The following VTI1A variants were observed in gnomAD, a reference collection of about 807,000 sequenced individuals.
VTI1A encodes the protein vesicle transport through interaction with t-SNAREs 1A, also known as vesicle transport through interaction with t-SNAREs homolog 1A.
A neutral mutation model predicts 34.9 loss-of-function variants in VTI1A; 22 were observed. The ratio of observed to expected loss-of-function variants is 0.63; its 90% confidence interval spans 0.45 to 0.90. The LOEUF (loss-of-function observed/expected upper bound fraction) is 0.90, where lower values mean the gene tolerates loss of function less well. Ranked by LOEUF, VTI1A falls within the 40% of genes least tolerant of loss-of-function variation. The pLI is 0.00. For missense variants in VTI1A, 268 were observed against 275.6 expected (o/e 0.97, Z 0.20); for synonymous variants, 87 against 97.3 (o/e 0.89, Z 0.62).
chr10:112,498,743 CA>C (rs1444481902), intron 3 of VTI1A, among the ~76,000 whole-genome samples: 1 of 151,970 alleles, frequency 6.6e-6, no homozygotes, highest in Non-Finnish European at 1.5e-5. Flanking sequence ...TTTTGACCAC[CA>C]TTTTTTTTTT....
At chr10:112,602,461 C>CA (rs1844915182) in intron 5 of VTI1A, among the ~76,000 whole-genome samples, 1 of 152,190 alleles carries the variant, frequency 6.6e-6, no homozygotes, top group Non-Finnish European at 1.5e-5. Flanking sequence ...AGAGACTTAT[C>CA]AAAGCTTTCT....
At chr10:112,555,845 T>G (rs542821991) in intron 5 of VTI1A, among the ~76,000 whole-genome samples, 1 of 152,060 alleles carries the variant, frequency 6.6e-6, no homozygotes, top group Non-Finnish European at 1.5e-5. Flanking sequence ...GAGATAATCA[T>G]TGGACATGGT....
chr10:112,736,077 A>T, intron 7 of VTI1A, among the ~76,000 whole-genome samples: 1 of 144,664 alleles, frequency 6.9e-6, no homozygotes, highest in Non-Finnish European at 1.5e-5. Context: ...TTATATTTTT[A>T]TATATAGTAT....
intron 5 of VTI1A, among the ~76,000 whole-genome samples, chr10:112,637,983 G>A (rs1023331358): frequency 1.3e-5 from 2 of 152,206 alleles, no homozygotes; most frequent in Non-Finnish European, 1.5e-5. Flanking sequence ...GTTTGTTGGG[G>A]AAACCCCTTA....
chr10:112,464,580 C>T lies in VTI1A; in HGVS notation c.187C>T (p.Pro63Ser), dbSNP rs1000172148. The part of the protein sequence containing the change: ...EQMDLEVREI[P>S]PQSRGMYSNR... ...GATGGATTTGGAAGTCCGAGAGATACCACCCCAAAGTCGAGGGATGTACAG... is the reference window on the plus strand; with the variant it reads ...GATGGATTTGGAAGTCCGAGAGATATCACCCCAAAGTCGAGGGATGTACAG... The change falls in exon 3 of 8, where the codon CCA becomes TCA. Residue 63 changes from proline (P) to serine (S), a missense_variant. By Grantham distance (74) the Pro-to-Ser change is moderately conservative. Coordinates refer to ENST00000393077, the MANE Select transcript of VTI1A (RefSeq NM_145206.4). 1 of 1,612,952 alleles carries T rather than the reference C, an allele frequency of 6.2e-7. No individual in the cohort carries two copies. Among genetic ancestry groups the T allele is most frequent in the South Asian group, 1.1e-5 (1 of 90,992 alleles).
intron 7 of VTI1A, among the ~76,000 whole-genome samples, chr10:112,685,190 C>T (rs1348804552): frequency 6.6e-6 from 1 of 152,208 alleles, no homozygotes. Flanking sequence ...AGTCTTCCCT[C>T]TACCTACCAG....
Position 112,800,478 on chromosome 10 carries a change from G to A in VTI1A, c.561-14812G>A, listed in dbSNP as rs928973737. ...TTCCAGAAGTAATGTGGGGAGATGG[G>A]TGAGTATGATAGGAGTGGAGTAATA... is the stretch of plus-strand genomic sequence containing the variant. On this transcript the variant is annotated intron_variant, in intron 7 of 7. Transcript: ENST00000393077. Among the ~76,000 whole-genome samples the A allele has an allele frequency of 9.8e-5, 15 of 152,378 alleles. 1 individual carries two copies. In the East Asian group the frequency reaches 2.7e-3, roughly 27 times the overall value.
At chr10:112,819,786 T>A (rs1358772490), downstream of VTI1A, among the ~76,000 whole-genome samples, 4 of 152,352 alleles carry the variant, frequency 2.6e-5, no homozygotes, top group East Asian at 5.8e-4. Flanking sequence ...CTATGGCTGC[T>A]GTCTATGTCT....
chr10:112,754,850 T>C (rs1851225695), intron 7 of VTI1A, among the ~76,000 whole-genome samples: 1 of 152,178 alleles, frequency 6.6e-6, no homozygotes, highest in African/African-American at 2.4e-5. Flanking sequence ...TTCTCTCAAA[T>C]GGAGACTATA....
intron 7 of VTI1A, among the ~76,000 whole-genome samples, chr10:112,786,523 C>G (rs901163798): frequency 6.6e-5 from 10 of 152,166 alleles, no homozygotes; most frequent in African/African-American, 2.2e-4. Flanking sequence ...TATCCCCAAT[C>G]AGAAAGAAAG....
intron 5 of VTI1A, among the ~76,000 whole-genome samples, chr10:112,581,692 C>T (rs533845318): frequency 2.6e-4 from 39 of 152,250 alleles, no homozygotes; most frequent in Non-Finnish European, 3.5e-4. Flanking sequence ...TATAGATCAG[C>T]GACAGCATTC....
chr10:112,732,166 G>T (rs1850288276), intron 7 of VTI1A, among the ~76,000 whole-genome samples: 1 of 152,070 alleles, frequency 6.6e-6, no homozygotes, highest in African/African-American at 2.4e-5. Context: ...TCACAAGTTT[G>T]ATTACCTGTA....
intron 7 of VTI1A, among the ~76,000 whole-genome samples, chr10:112,724,302 A>T (rs1326257901): frequency 2.0e-5 from 3 of 152,200 alleles, no homozygotes; most frequent in Non-Finnish European, 4.4e-5. Context: ...GTGGCCTTTA[A>T]ATATGCCAAT....
intron 7 of VTI1A, among the ~76,000 whole-genome samples, chr10:112,710,886 T>C (rs1849389525): frequency 6.6e-6 from 1 of 152,188 alleles, no homozygotes; most frequent in African/African-American, 2.4e-5. Context: ...AAATTCTGCC[T>C]CAAAAGAGCT....
At chr10:112,745,452 TCTCA>T (rs1850862474) in intron 7 of VTI1A, among the ~76,000 whole-genome samples, 1 of 152,184 alleles carries the variant, frequency 6.6e-6, no homozygotes, top group African/African-American at 2.4e-5. Flanking sequence ...TGTCGAGTGC[TCTCA>T]CTATGTTCAC....
At chr10:112,664,377 G>C (rs1436728091) in intron 5 of VTI1A, among the ~76,000 whole-genome samples, 1 of 151,818 alleles carries the variant, frequency 6.6e-6, no homozygotes. Flanking sequence ...CCGAAATACA[G>C]GTCTTATAAA....
intron 7 of VTI1A, among the ~76,000 whole-genome samples, chr10:112,738,083 G>A (rs1365688285): frequency 6.6e-6 from 1 of 152,184 alleles, no homozygotes; most frequent in East Asian, 1.9e-4. Flanking sequence ...TGGGGCAAAT[G>A]GAATACTGAG....
Position 112,594,496 on chromosome 10 carries a change from CA to C in VTI1A, c.427+56168del, listed in dbSNP as rs561674396. ...ATACAAAATCAATGTACAAAAATCACAAGCATTCTTATACACCAATAACAGA... is the reference window on the plus strand; with the variant it reads ...ATACAAAATCAATGTACAAAAATCACAGCATTCTTATACACCAATAACAGA... On this transcript the variant is annotated intron_variant, in intron 5 of 7. Transcript: ENST00000393077. 2.5e-3 allele frequency among the ~76,000 whole-genome samples: 375 copies of C among 152,118 alleles called. 2 individuals are homozygous for C. The highest frequency in any genetic ancestry group is 8.5e-3 in the African/African-American group (354 of 41,482).
At chr10:112,809,849 GGAAA>G (rs553738209) in intron 7 of VTI1A, among the ~76,000 whole-genome samples, 4 of 152,142 alleles carry the variant, frequency 2.6e-5, no homozygotes, top group Non-Finnish European at 2.9e-5. Context: ...TCAATGTACT[GGAAA>G]GAGAGATGTG....
Sources: gnomAD v4.1 joint callset for allele counts (sites outside exome capture counted in the v4.1 genomes callset) on GRCh38, gnomAD v4.1.1 for gene constraint, MANE v1.5 for transcripts, NCBI Gene and HGNC (gene_info 2026-07-23, HGNC 2026-07-21) for gene names.